The following DNM3 variants were observed in gnomAD, a reference collection of about 807,000 sequenced individuals.
DNM3 encodes dynamin 3.
A neutral mutation model predicts 101.6 loss-of-function variants in DNM3; 47 were observed. The ratio of observed to expected loss-of-function variants is 0.46; its 90% CI spans 0.37 to 0.59. The LOEUF (loss-of-function observed/expected upper bound fraction) is 0.59. Among genes scored for constraint, DNM3 ranks in the 20% least tolerant of loss-of-function variants. The pLI is 0.00. For synonymous variants in DNM3, 385 were observed against 387.9 expected, an observed-to-expected ratio of 0.99 and a Z score of 0.09; for missense variants, 849 against 1,085.7, an observed-to-expected ratio of 0.78 and a Z score of 3.06.
At chr1:172,107,366 A>G (rs901223772) in intron 13 of DNM3, among the ~76,000 whole-genome samples, 8 of 151,788 alleles carry the variant, frequency 5.3e-5, no homozygotes, top group Non-Finnish European at 1.2e-4. Context: ...GAAGATGGTG[A>G]AACTCAATAT....
At chr1:171,862,106 T>C (rs573770758) in intron 1 of DNM3, among the ~76,000 whole-genome samples, 1 of 152,116 alleles carries the variant, frequency 6.6e-6, no homozygotes, top group Non-Finnish European at 1.5e-5. Context: ...GTGGAGAAAT[T>C]GGAACACTCA....
At chr1:172,396,984 T>G (rs2149101381) in intron 20 of DNM3, among the ~76,000 whole-genome samples, 1 of 152,260 alleles carries the variant, frequency 6.6e-6, no homozygotes, top group East Asian at 1.9e-4. Flanking sequence ...TTTTTTAAGT[T>G]TATATTAGCA....
chr1:172,178,534 G>A (rs900318960), intron 14 of DNM3, among the ~76,000 whole-genome samples: 44 of 151,928 alleles, frequency 2.9e-4, no homozygotes, highest in African/African-American at 9.4e-4. Context: ...GTAAGGAAGG[G>A]ATAGGAATGA....
chr1:172,344,451 T>TA (rs2148966638), intron 17 of DNM3, among the ~76,000 whole-genome samples: 1 of 152,348 alleles, frequency 6.6e-6, no homozygotes, highest in East Asian at 1.9e-4. Flanking sequence ...ACAAATGTGT[T>TA]AAAACAAGCG....
At chr1:172,418,188 T>A in intron 20 of DNM3, 1 of 1,033,922 alleles carries the variant, frequency 9.7e-7, no homozygotes, top group Non-Finnish European at 1.3e-6. Context: ...TGCTATTATT[T>A]GGGTTTATTT....
At position 172,038,366 on chromosome 1, in the gene DNM3, A is replaced by G. The variant is rs1240004667; in HGVS notation, c.897A>G (p.Lys299=). The G allele has an allele frequency of 6.2e-7, 1 of 1,613,446 alleles. No homozygotes were observed. The highest frequency in any genetic ancestry group is 1.1e-5 in the South Asian group (1 of 91,072). ...ATACCCTACCAAACTTCAGGAACAAACTACAGGGACAGTTGCTCTCCATAG... is the reference window on the plus strand; with the variant it reads ...ATACCCTACCAAACTTCAGGAACAAGCTACAGGGACAGTTGCTCTCCATAG... ...IRDTLPNFRN[K]LQGQLLSIEH... The change falls in exon 7 of 21, where the codon AAA becomes AAG. Residue 299 remains lysine, a synonymous_variant. Coordinates refer to ENST00000627582, the MANE Select transcript of DNM3 (RefSeq NM_015569.5).
chr1:172,082,325 G>GT (rs57661109), intron 12 of DNM3, among the ~76,000 whole-genome samples: 4,475 of 136,796 alleles, frequency 0.033, 73 homozygotes, highest in African/African-American at 0.036. Flanking sequence ...CTAGAGGCCT[G>GT]TTTTTTTTTT....
intron 14 of DNM3, among the ~76,000 whole-genome samples, chr1:172,231,125 C>T (rs1176662714): frequency 1.3e-5 from 2 of 151,624 alleles, no homozygotes; most frequent in Non-Finnish European, 2.9e-5. Context: ...TATCCAACTA[C>T]CCTACTGGGG....
intron 13 of DNM3, among the ~76,000 whole-genome samples, chr1:172,113,949 A>G (rs2055701223): frequency 6.6e-6 from 1 of 152,090 alleles, no homozygotes; most frequent in Non-Finnish European, 1.5e-5. Flanking sequence ...TTAATTTCCT[A>G]TGTATTGAAT....
chr1:171,859,107 G>A (rs1282651039), intron 1 of DNM3, among the ~76,000 whole-genome samples: 1 of 152,058 alleles, frequency 6.6e-6, no homozygotes, highest in Non-Finnish European at 1.5e-5. Context: ...GTCATACAAG[G>A]CCCTGTGTAG....
chr1:172,321,926 A>C (rs1401126751), intron 16 of DNM3, among the ~76,000 whole-genome samples: 2 of 152,206 alleles, frequency 1.3e-5, no homozygotes, highest in African/African-American at 4.8e-5. Context: ...ATTTTTAAAA[A>C]GGACTCTTTT....
intron 18 of DNM3, among the ~76,000 whole-genome samples, chr1:172,382,629 CTCTAAG>C (rs1195175989): frequency 6.6e-6 from 1 of 152,116 alleles, no homozygotes; most frequent in Non-Finnish European, 1.5e-5. Context: ...GGTTAGGAAA[CTCTAAG>C]TCAGCCCTCT....
chr1:171,917,461 T>A (rs1203242162), intron 1 of DNM3, among the ~76,000 whole-genome samples: 1 of 152,224 alleles, frequency 6.6e-6, no homozygotes, highest in Non-Finnish European at 1.5e-5. Flanking sequence ...GTACTCTATT[T>A]TTTTGTCTAG....
intron 15 of DNM3, 140 bp from the exon 16 acceptor site, chr1:172,308,588 G>T (rs2064946953): frequency 4.5e-6 from 2 of 449,162 alleles, no homozygotes; most frequent in South Asian, 1.2e-4. Flanking sequence ...TAAAGTATGA[G>T]TTGTTTTTGT....
chr1:172,403,539 G>A (rs115757120), intron 20 of DNM3, among the ~76,000 whole-genome samples: 2 of 152,032 alleles, frequency 1.3e-5, no homozygotes, highest in African/African-American at 2.4e-5. Flanking sequence ...CTCTCTTATC[G>A]GTAAAGCCAG....
intron 14 of DNM3, among the ~76,000 whole-genome samples, chr1:172,226,548 T>C (rs943585350): frequency 6.6e-6 from 1 of 152,188 alleles, no homozygotes; most frequent in South Asian, 2.1e-4. Context: ...GCCTGCTCCC[T>C]GCCACCAGGC....
At chr1:172,014,992 G>A (rs189272433) in intron 4 of DNM3, among the ~76,000 whole-genome samples, 3 of 151,594 alleles carry the variant, frequency 2.0e-5, no homozygotes, top group Admixed American at 6.6e-5. Context: ...TCATCTTTTA[G>A]CATGTAGGTG....
At chr1:171,935,250 C>T (rs1177874667) in intron 2 of DNM3, among the ~76,000 whole-genome samples, 1 of 152,074 alleles carries the variant, frequency 6.6e-6, no homozygotes, top group Non-Finnish European at 1.5e-5. Context: ...TTGTCTCCAT[C>T]TGCTGTTGTA....
intron 15 of DNM3, among the ~76,000 whole-genome samples, chr1:172,296,938 T>G (rs2064190419): frequency 6.6e-6 from 1 of 151,944 alleles, no homozygotes; most frequent in Admixed American, 6.6e-5. Context: ...AGGTCAGGAG[T>G]TCGAGACTAG....
Sources: gnomAD v4.1 joint callset for allele counts (sites outside exome capture counted in the v4.1 genomes callset) on GRCh38, gnomAD v4.1.1 for gene constraint, MANE v1.5 for transcripts, NCBI Gene and HGNC (gene_info 2026-07-23, HGNC 2026-07-21) for gene names.